NWD2: variants seen among roughly 807,000 people sequenced by gnomAD.
NWD2 encodes NACHT and WD repeat domain containing 2.
In NWD2, 37 loss-of-function variants were observed where a neutral mutation model predicts 132.7. That is an observed-to-expected ratio of 0.28 (90% confidence interval 0.21 to 0.37). The LOEUF (loss-of-function observed/expected upper bound fraction) is 0.37, where lower values mean the gene tolerates loss of function less well. NWD2 is among the 10% of genes least tolerant of loss of function. NWD2 has a pLI of 1.00. For missense variants in NWD2, 1,592 were observed against 2,122.4 expected, an observed-to-expected ratio of 0.75 and a Z score of 4.91; for synonymous variants, 705 against 803.0, an observed-to-expected ratio of 0.88 and a Z score of 2.06.
intron 6 of NWD2, among the ~76,000 whole-genome samples, chr4:37,442,080 C>A (rs1712500674): frequency 6.6e-6 from 1 of 152,184 alleles, no homozygotes; most frequent in African/African-American, 2.4e-5. Flanking sequence ...TGAGGCTAAA[C>A]AACAGCAACG....
chr4:37,423,923 G>T (rs1479773), intron 3 of NWD2, among the ~76,000 whole-genome samples: 1 of 152,128 alleles, frequency 6.6e-6, no homozygotes, highest in Admixed American at 6.6e-5. Flanking sequence ...TACAAATTCA[G>T]ATACATGTAT....
intron 1 of NWD2, among the ~76,000 whole-genome samples, chr4:37,263,319 A>C (rs904093596): frequency 6.6e-6 from 1 of 152,178 alleles, no homozygotes; most frequent in Non-Finnish European, 1.5e-5. Context: ...ACATTAATGC[A>C]TGGACAGAAC....
intron 3 of NWD2, among the ~76,000 whole-genome samples, chr4:37,374,842 G>A (rs1289783174): frequency 1.3e-5 from 2 of 152,160 alleles, no homozygotes; most frequent in South Asian, 2.1e-4. Flanking sequence ...TTACAAGTAA[G>A]AAAACTTTTT....
chr4:37,384,615 G>C (rs1720521912), intron 3 of NWD2, among the ~76,000 whole-genome samples: 1 of 152,130 alleles, frequency 6.6e-6, no homozygotes, highest in South Asian at 2.1e-4. Flanking sequence ...TAGAACTGCT[G>C]GTGTTCACAG....
intron 2 of NWD2, among the ~76,000 whole-genome samples, chr4:37,348,675 T>TATATATATACACAC (rs1308407988): frequency 1.9e-3 from 44 of 22,566 alleles, no homozygotes; most frequent in South Asian, 4.3e-3. Flanking sequence ...TATATATATA[T>TATATATATACACAC]ACACACACAC....
chr4:37,272,322 G>A (rs900243626), intron 1 of NWD2, among the ~76,000 whole-genome samples: 1 of 151,630 alleles, frequency 6.6e-6, no homozygotes, highest in Non-Finnish European at 1.5e-5. Flanking sequence ...GTTGAGAAGT[G>A]TTCCTACCAC....
intron 1 of NWD2, among the ~76,000 whole-genome samples, chr4:37,293,158 T>A (rs1011987061): frequency 1.3e-5 from 2 of 152,244 alleles, no homozygotes; most frequent in Non-Finnish European, 2.9e-5. Context: ...TTGTTGTTTT[T>A]TCACCCTTAA....
At chr4:37,397,534 C>T (rs1289604740) in intron 3 of NWD2, among the ~76,000 whole-genome samples, 1 of 152,090 alleles carries the variant, frequency 6.6e-6, no homozygotes, top group African/African-American at 2.4e-5. Context: ...GCTGCAACCC[C>T]AGCTCTCACC....
At chr4:37,415,239 C>T (rs1229686905) in intron 3 of NWD2, among the ~76,000 whole-genome samples, 3 of 152,264 alleles carry the variant, frequency 2.0e-5, no homozygotes, top group Admixed American at 6.5e-5. Flanking sequence ...TCAGATTCCT[C>T]GGCAAGTTAC....
intron 3 of NWD2, among the ~76,000 whole-genome samples, chr4:37,372,164 A>G (rs1485887349): frequency 2.0e-5 from 3 of 152,202 alleles, no homozygotes; most frequent in African/African-American, 7.2e-5. Flanking sequence ...TCAACACTAT[A>G]TTAAAACTAA....
In NWD2 at chr4:37,444,363, G is replaced by A; in HGVS notation, c.2375G>A (p.Ser792Asn). 1 of 1,552,078 alleles carries A rather than the reference G, an allele frequency of 6.4e-7. No individual in the cohort carries two copies. The highest frequency in any genetic ancestry group is 2.0e-5 in the Admixed American group (1 of 51,006). ...GGCTGCCTTGACTTGGAGAACAGAA[G>A]TTTGCTGGAGGAAGAAAAGCACTTC... ...LNGCLDLENR[S>N]LLEEEKHFME... Residue 792 changes from serine (S) to asparagine (N), a missense_variant, in exon 7 of 7, where the codon AGT becomes AAT. Physicochemically the swap from Ser to Asn is conservative, Grantham distance 46. Around this residue, in one of 7 missense-constraint regions of NWD2, gnomAD observed 1,071 missense variants for 1,398.0 expected, o/e 0.77. Transcript: ENST00000309447. The surrounding 1 kb of genome is among the most constrained non-coding windows in gnomAD (Gnocchi z 4.8).
At chr4:37,357,532 A>T (rs1400139638) in intron 3 of NWD2, among the ~76,000 whole-genome samples, 1 of 152,156 alleles carries the variant, frequency 6.6e-6, no homozygotes, top group Non-Finnish European at 1.5e-5. Flanking sequence ...CCTGAGTGCT[A>T]CCGTGTGCCA....
intron 3 of NWD2, among the ~76,000 whole-genome samples, chr4:37,415,168 C>T (rs1711556366): frequency 1.3e-5 from 2 of 152,190 alleles, no homozygotes. Context: ...TTGGAAATCT[C>T]CCTGAAGAAC....
At chr4:37,294,111 A>C (rs1718425651) in intron 1 of NWD2, among the ~76,000 whole-genome samples, 1 of 152,138 alleles carries the variant, frequency 6.6e-6, no homozygotes, top group Non-Finnish European at 1.5e-5. Context: ...AGATGAGGGA[A>C]TATAATGGGA....
At chr4:37,371,815 T>C (rs1720234352) in intron 3 of NWD2, among the ~76,000 whole-genome samples, 1 of 152,228 alleles carries the variant, frequency 6.6e-6, no homozygotes. Flanking sequence ...AGAACGCTTT[T>C]CCCTAAAAGT....
intron 5 of NWD2, among the ~76,000 whole-genome samples, chr4:37,436,497 A>C (rs891142854): frequency 6.6e-6 from 1 of 152,050 alleles, no homozygotes; most frequent in Non-Finnish European, 1.5e-5. Flanking sequence ...CTGCCAAATT[A>C]GTTTATCTGT....
chr4:37,341,965 A>C (rs1404073025), intron 2 of NWD2, among the ~76,000 whole-genome samples: 1 of 152,176 alleles, frequency 6.6e-6, no homozygotes, highest in East Asian at 1.9e-4. Flanking sequence ...GTCATAATAC[A>C]GGTACATGTC....
intron 2 of NWD2, among the ~76,000 whole-genome samples, chr4:37,336,811 C>T (rs1025994429): frequency 4.6e-5 from 7 of 151,744 alleles, no homozygotes; most frequent in Admixed American, 1.3e-4. Flanking sequence ...TGCTGGTGGG[C>T]GCCTGTAATC....
chr4:37,378,577 A>G (rs1720394463), intron 3 of NWD2, among the ~76,000 whole-genome samples: 1 of 152,130 alleles, frequency 6.6e-6, no homozygotes, highest in South Asian at 2.1e-4. Context: ...CACAATCACC[A>G]TTCTGCTGGC....
Sources: gnomAD v4.1 joint callset for allele counts (sites outside exome capture counted in the v4.1 genomes callset) on GRCh38, gnomAD v4.1.1 for gene constraint, gnomAD v4.1.1 regional missense constraint, Gnocchi (gnomAD v3.1) non-coding constraint, MANE v1.5 for transcripts, NCBI Gene and HGNC (gene_info 2026-07-23, HGNC 2026-07-21) for gene names.